The following RYR3 variants were observed in gnomAD, a reference collection of about 807,000 sequenced individuals.
RYR3 encodes ryanodine receptor 3, also known as brain ryanodine receptor-calcium release channel.
In RYR3, 207 loss-of-function variants were observed where a neutral mutation model predicts 584.3. That is an observed-to-expected ratio of 0.35 (90% CI 0.32 to 0.40). The LOEUF (loss-of-function observed/expected upper bound fraction) is 0.40. RYR3 is among the 10% of genes least tolerant of loss of function. The pLI is 1.00. For missense variants in RYR3, 5,616 were observed against 6,089.2 expected (o/e 0.92, Z 2.59); for synonymous variants, 2,416 against 2,248.5 (o/e 1.07, Z -2.11).
intron 92 of RYR3, 59 bp from the exon 93 acceptor site, chr15:33,844,803 G>C: frequency 1.4e-6 from 2 of 1,413,820 alleles, no homozygotes; most frequent in Non-Finnish European, 2.0e-6. Flanking sequence ...TATGTGGGGA[G>C]AGCCCAATGG....
Position 33,646,393 on chromosome 15 carries a change from A to G in RYR3, c.3808A>G (p.Lys1270Glu), listed in dbSNP as rs1362880086. Reference sequence around the variant, plus strand: ...CACCATGGACAGCCCTCCGTGTCTCAAGGTGACGCATAAGACATTTGGCAC... The same window carrying G: ...CACCATGGACAGCCCTCCGTGTCTCGAGGTGACGCATAAGACATTTGGCAC... ...DGTMDSPPCL[K>E]VTHKTFGTQN... Residue 1270 changes from lysine to glutamate, a missense_variant, in exon 29 of 104, where the codon AAG becomes GAG. Around this residue, in one of 9 missense-constraint regions of RYR3, gnomAD observed 753 missense variants for 741.0 expected, o/e 1.02. Transcript: ENST00000634891. 1 of 1,613,252 alleles carries G rather than the reference A, an allele frequency of 6.2e-7. No homozygotes were observed. The highest frequency in any genetic ancestry group is 1.1e-5 in the South Asian group (1 of 90,992).
chr15:33,711,357 CCTCAGCCTCCTGA>C (rs567944843), intron 43 of RYR3, among the ~76,000 whole-genome samples: 1 of 150,904 alleles, frequency 6.6e-6, no homozygotes, highest in East Asian at 2.0e-4. Context: ...CATTCTCCTG[CCTCAGCCTCCTGA>C]GTAGCTGGGA....
rs755340876 is a variant in RYR3 at position 33,810,518 on chromosome 15, C to T, written c.10066C>T (p.Arg3356Trp). The T allele has an allele frequency of 5.0e-6, 8 of 1,613,850 alleles. No individual in the cohort carries two copies. The highest frequency in any genetic ancestry group is 2.2e-5 in the East Asian group (1 of 44,892). ...QDQERKKTKR[R>W]GDLYSIQTSL... ...CCAGGAGCGGAAGAAGACAAAGCGG[C>T]GGGGAGACTTGTATTCCATCCAGAC... The change falls in exon 71 of 104, where the codon CGG becomes TGG. Residue 3356 changes from arginine to tryptophan, a missense_variant. By Grantham distance (101) the Arg-to-Trp change is moderately radical (BLOSUM62 -3). Coordinates refer to ENST00000634891, the MANE Select transcript of RYR3 (RefSeq NM_001036.6).
chr15:33,511,155 A>G (rs2052949198), intron 3 of RYR3, among the ~76,000 whole-genome samples: 1 of 152,048 alleles, frequency 6.6e-6, no homozygotes, highest in Non-Finnish European at 1.5e-5. Flanking sequence ...GTTATAAAAA[A>G]GTGGTTCAGC....
rs535151866 is a variant in RYR3 at position 33,688,522 on chromosome 15, A to C, written c.5861-7696A>C. Among the ~76,000 whole-genome samples the C allele has an allele frequency of 3.3e-5, 5 of 151,174 alleles. No homozygotes were observed. The East Asian group carries it at 9.8e-4, about 30-fold the overall frequency. ...CGGGAGGTGGAGCTTGCAGTGAGCC[A>C]AGATTGCGCCACTGCACTCCAGCCT... On this transcript the variant is annotated intron_variant, in intron 38 of 103. Transcript: ENST00000634891.
chr15:33,520,636 A>G (rs1236428611), intron 3 of RYR3, among the ~76,000 whole-genome samples: 1 of 152,224 alleles, frequency 6.6e-6, no homozygotes, highest in Non-Finnish European at 1.5e-5. Flanking sequence ...TTTCCAAAGC[A>G]TACTTGTCAT....
intron 87 of RYR3, among the ~76,000 whole-genome samples, 181 bp downstream of exon 87, chr15:33,835,253 C>CG (rs779743076): frequency 1.3e-3 from 192 of 152,332 alleles, no homozygotes; most frequent in Non-Finnish European, 5.6e-4. Flanking sequence ...CTCGGAGGGG[C>CG]GCGGGGTCCC....
At chr15:33,659,990 T>C (rs2063056634) in intron 33 of RYR3, among the ~76,000 whole-genome samples, 184 bp downstream of exon 33, 1 of 152,196 alleles carries the variant, frequency 6.6e-6, no homozygotes, top group Admixed American at 6.5e-5. Flanking sequence ...TCTTCCCCTT[T>C]TCCCACCTCT....
intron 1 of RYR3, among the ~76,000 whole-genome samples, chr15:33,340,212 A>G (rs1291137642): frequency 1.3e-5 from 2 of 152,190 alleles, no homozygotes; most frequent in Non-Finnish European, 2.9e-5. Flanking sequence ...CCATGACACA[A>G]CCATTGCACA....
chr15:33,841,762 C>A, intron 90 of RYR3, 102 bp from the exon 91 acceptor site: 4 of 1,191,684 alleles, frequency 3.4e-6, no homozygotes, highest in Non-Finnish European at 4.6e-6. Flanking sequence ...ATGATTCTAC[C>A]TCCCGGCCCT....
At chr15:33,748,405 G>C in intron 54 of RYR3, 63 bp from the exon 55 acceptor site, 1 of 1,561,540 alleles carries the variant, frequency 6.4e-7, no homozygotes, top group Non-Finnish European at 8.8e-7. Context: ...GCTGAAGTTG[G>C]GGATGCCTGA....
intron 53 of RYR3, among the ~76,000 whole-genome samples, chr15:33,746,804 T>TTC (rs200093998): frequency 0.036 from 1,307 of 36,082 alleles, 15 homozygotes; most frequent in Non-Finnish European, 0.086. Context: ...TTCTTTCTTC[T>TTC]TTTTTTTTTT....
chr15:33,669,305 T>C, intron 36 of RYR3, 49 bp from the exon 37 acceptor site: 1 of 1,486,838 alleles, frequency 6.7e-7, no homozygotes, highest in Non-Finnish European at 9.4e-7. Flanking sequence ...CTGAGTTCCC[T>C]TGGCCAACAT....
At chr15:33,422,695 G>A (rs1229597459) in intron 1 of RYR3, among the ~76,000 whole-genome samples, 4 of 152,136 alleles carry the variant, frequency 2.6e-5, no homozygotes, top group Non-Finnish European at 4.4e-5. Flanking sequence ...TCTGTATCGT[G>A]GGGCCATGAA....
intron 34 of RYR3, 141 bp from the exon 35 acceptor site, chr15:33,662,012 G>GC: frequency 1.6e-6 from 1 of 638,756 alleles, no homozygotes; most frequent in Non-Finnish European, 2.7e-6. Context: ...GCTGAGAGAG[G>GC]CATGATAAGC....
chr15:33,332,946 A>G (rs746760979), intron 1 of RYR3, among the ~76,000 whole-genome samples: 1 of 151,974 alleles, frequency 6.6e-6, no homozygotes, highest in Non-Finnish European at 1.5e-5. Flanking sequence ...GAAATCAATC[A>G]TATCCAATAA....
chr15:33,536,388 T>C (rs963597899), intron 5 of RYR3, among the ~76,000 whole-genome samples: 7 of 152,182 alleles, frequency 4.6e-5, no homozygotes, highest in African/African-American at 1.7e-4. Context: ...CCTTTTAAAG[T>C]TGTTTAATTG....
At chr15:33,387,149 G>A (rs192930627) in intron 1 of RYR3, among the ~76,000 whole-genome samples, 40 of 152,216 alleles carry the variant, frequency 2.6e-4, no homozygotes, top group Admixed American at 9.2e-4. Context: ...GAGACACCAC[G>A]CCCAGCAATA....
chr15:33,465,797 T>G (rs1332678551), intron 1 of RYR3: 1 of 518,564 alleles, frequency 1.9e-6, no homozygotes, highest in Admixed American at 1.9e-5. Flanking sequence ...ATTTAGAAAG[T>G]AGAATGAGAA....
Sources: allele counts gnomAD v4.1 joint callset (sites outside exome capture counted in the v4.1 genomes callset), GRCh38; gene constraint gnomAD v4.1.1; regional missense constraint gnomAD v4.1.1; transcripts MANE v1.5; gene names NCBI Gene and HGNC (gene_info 2026-07-23, HGNC 2026-07-21).